The following MSH3 variants were observed in gnomAD, a reference collection of about 807,000 sequenced individuals.
MSH3 encodes mutS homolog 3, also known as DNA mismatch repair protein Msh3.
MSH3 carries 106 observed loss-of-function variants against 123.3 expected under a neutral mutation model. The observed-to-expected ratio is 0.86, with a 90% CI of 0.73 to 1.01. The LOEUF (loss-of-function observed/expected upper bound fraction) is 1.01, where lower values mean the gene tolerates loss of function less well. Among genes scored for constraint, MSH3 ranks in the 50% least tolerant of loss-of-function variants. The probability of loss-of-function intolerance (pLI) is 0.00; values close to 1 mark genes in which losing one functional copy is unlikely to be tolerated. For synonymous variants in MSH3, 515 were observed against 481.4 expected (o/e 1.07, Z -0.91); for missense variants, 1,459 against 1,347.6 (o/e 1.08, Z -1.29).
At chr5:80,713,048 G>T (rs1002492014) in intron 8 of MSH3, among the ~76,000 whole-genome samples, 1 of 152,044 alleles carries the variant, frequency 6.6e-6, no homozygotes, top group East Asian at 1.9e-4. Context: ...TGTCAGAGGG[G>T]GCCTTGTAAG....
chr5:80,836,102 A>G (rs912737235), intron 20 of MSH3, among the ~76,000 whole-genome samples: 1 of 152,204 alleles, frequency 6.6e-6, no homozygotes, highest in Non-Finnish European at 1.5e-5. Context: ...TTTTTAGAAT[A>G]AACTCAGCAA....
intron 19 of MSH3, among the ~76,000 whole-genome samples, chr5:80,812,129 G>A (rs1745019799): frequency 6.6e-6 from 1 of 152,132 alleles, no homozygotes; most frequent in Non-Finnish European, 1.5e-5. Flanking sequence ...TTAAGAGAAA[G>A]GAATTACACA....
chr5:80,701,208 G>C (rs967959115), intron 8 of MSH3, among the ~76,000 whole-genome samples: 23 of 152,138 alleles, frequency 1.5e-4, no homozygotes, highest in African/African-American at 4.6e-4. Context: ...TGCAAGGTAG[G>C]GGGTAAATGG....
intron 10 of MSH3, among the ~76,000 whole-genome samples, chr5:80,730,333 T>C (rs536709430): frequency 1.2e-4 from 19 of 152,290 alleles, no homozygotes; most frequent in Middle Eastern, 3.4e-3. Context: ...CTGTACTGCT[T>C]AAGAATATAT....
intron 10 of MSH3, among the ~76,000 whole-genome samples, chr5:80,729,933 T>C (rs1435322350): frequency 1.3e-5 from 2 of 152,138 alleles, no homozygotes. Flanking sequence ...AGGTGCTATC[T>C]CAGCAAAATG....
intron 20 of MSH3, among the ~76,000 whole-genome samples, chr5:80,815,453 G>T (rs1422690702): frequency 6.6e-6 from 1 of 152,124 alleles, no homozygotes; most frequent in Non-Finnish European, 1.5e-5. Context: ...TTACTGAGCC[G>T]AATAGCAAGA....
chr5:80,844,845 T>C (rs1028943909), intron 20 of MSH3, among the ~76,000 whole-genome samples: 1 of 152,184 alleles, frequency 6.6e-6, no homozygotes, highest in Non-Finnish European at 1.5e-5. Context: ...GGGTGTTGAC[T>C]CTTTCTCCAA....
intron 8 of MSH3, among the ~76,000 whole-genome samples, chr5:80,697,243 C>T (rs556823698): frequency 6.6e-6 from 1 of 152,112 alleles, no homozygotes; most frequent in Non-Finnish European, 1.5e-5. Context: ...GGTCAGAAAT[C>T]GTGCAGAGTC....
chr5:80,714,266 G>C (rs936065200), intron 8 of MSH3, among the ~76,000 whole-genome samples: 2 of 150,076 alleles, frequency 1.3e-5, no homozygotes, highest in African/African-American at 4.9e-5. Context: ...CTCCCGAGTA[G>C]CTAGGATTAT....
chr5:80,664,902 A>AG (rs1435647795), intron 2 of MSH3, among the ~76,000 whole-genome samples: 3 of 152,124 alleles, frequency 2.0e-5, no homozygotes, highest in Non-Finnish European at 4.4e-5. Context: ...AAAACAAAAA[A>AG]GAAAAAAAAC....
chr5:80,847,067 G>C (rs1282227772), intron 20 of MSH3, among the ~76,000 whole-genome samples: 1 of 151,682 alleles, frequency 6.6e-6, no homozygotes, highest in Non-Finnish European at 1.5e-5. Flanking sequence ...TTAATTTTTG[G>C]ATTTTTTTCT....
rs544443737 is a variant in MSH3 at position 80,722,575 on chromosome 5, G to A, written c.1341-2878G>A. On this transcript the variant is annotated intron_variant, in intron 8 of 23. Coordinates refer to ENST00000265081, the MANE Select transcript of MSH3 (RefSeq NM_002439.5). ...ATGTGCAGTAGAGTCCCCTGATGCT[G>A]GGCCGGGCCCCACCCAACACCTGTT... Among the ~76,000 whole-genome samples the A allele has an allele frequency of 2.6e-5, 4 of 152,268 alleles. No homozygotes were observed. In the South Asian group the frequency reaches 8.3e-4, roughly 32 times the overall value.
intron 1 of MSH3, 188 bp downstream of exon 1, chr5:80,655,152 A>C (rs1749235571): frequency 2.1e-6 from 1 of 486,210 alleles, no homozygotes; most frequent in Non-Finnish European, 3.6e-6. Context: ...AGGTTTTAGT[A>C]CTTCCGTTTG....
chr5:80,698,840 T>G (rs984770501), intron 8 of MSH3, among the ~76,000 whole-genome samples: 1 of 151,898 alleles, frequency 6.6e-6, no homozygotes, highest in Non-Finnish European at 1.5e-5. Context: ...TTAGGAGATA[T>G]ACCTAATGTA....
intron 19 of MSH3, among the ~76,000 whole-genome samples, chr5:80,801,847 T>C (rs1744795540): frequency 6.6e-6 from 1 of 152,214 alleles, no homozygotes; most frequent in African/African-American, 2.4e-5. Context: ...GAGAGGTGTA[T>C]TGGCTTGTCC....
chr5:80,848,903 C>T (rs1745777066), intron 20 of MSH3, among the ~76,000 whole-genome samples: 1 of 152,146 alleles, frequency 6.6e-6, no homozygotes, highest in African/African-American at 2.4e-5. Context: ...TTTATTTCAG[C>T]ATTAACTTAA....
intron 20 of MSH3, among the ~76,000 whole-genome samples, chr5:80,820,473 A>C (rs1745187126): frequency 6.6e-6 from 1 of 152,218 alleles, no homozygotes; most frequent in South Asian, 2.1e-4. Context: ...CTCCACTGAG[A>C]CAGAAATTGT....
At chr5:80,681,986 A>G (rs1420342016) in intron 8 of MSH3, among the ~76,000 whole-genome samples, 1 of 152,138 alleles carries the variant, frequency 6.6e-6, no homozygotes, top group Non-Finnish European at 1.5e-5. Flanking sequence ...CATTGTAAAT[A>G]ATTTTCTCTA....
intron 11 of MSH3, 92 bp from the exon 12 acceptor site, chr5:80,744,412 GGT>G (rs1290369457): frequency 2.4e-6 from 2 of 843,118 alleles, no homozygotes; most frequent in African/African-American, 3.4e-5. Flanking sequence ...CATTGTGCTA[GGT>G]ATATATGACA....
Sources: allele counts gnomAD v4.1 joint callset (sites outside exome capture counted in the v4.1 genomes callset), GRCh38; gene constraint gnomAD v4.1.1; transcripts MANE v1.5; gene names NCBI Gene and HGNC (gene_info 2026-07-23, HGNC 2026-07-21).